Variants in CUBN observed in about 807,000 individuals in gnomAD.
CUBN encodes 460 kDa receptor.
In CUBN, 282 loss-of-function variants were observed where a neutral mutation model predicts 405.3. That is an observed-to-expected ratio of 0.70 (90% CI 0.63 to 0.77). The LOEUF is 0.77. Among genes scored for constraint, CUBN ranks in the 30% least tolerant of loss-of-function variants. CUBN has a pLI of 0.00. For synonymous variants in CUBN, 1,684 were observed against 1,617.0 expected (o/e 1.04, Z -0.99); for missense variants, 4,514 against 4,475.2 (o/e 1.01, Z -0.25).
At chr10:16,993,664 TTTTC>T (rs1833655168) in intron 28 of CUBN, among the ~76,000 whole-genome samples, 1 of 151,610 alleles carries the variant, frequency 6.6e-6, no homozygotes, top group Non-Finnish European at 1.5e-5. Flanking sequence ...TTTCTTTTTC[TTTTC>T]TTTTTTTTTT....
At chr10:16,909,993 G>A (rs1841674956) in intron 48 of CUBN, among the ~76,000 whole-genome samples, 1 of 152,202 alleles carries the variant, frequency 6.6e-6, no homozygotes, top group African/African-American at 2.4e-5. Context: ...TGCAATGAAA[G>A]TTAAAGCTGC....
chr10:16,959,871 G>A (rs1843167954), intron 31 of CUBN, among the ~76,000 whole-genome samples: 1 of 152,120 alleles, frequency 6.6e-6, no homozygotes, highest in Admixed American at 6.5e-5. Context: ...TCTTACTTAA[G>A]TCTACTGCCA....
At chr10:17,017,053 T>C (rs1003222044) in intron 28 of CUBN, among the ~76,000 whole-genome samples, 2 of 152,140 alleles carry the variant, frequency 1.3e-5, no homozygotes, top group Non-Finnish European at 2.9e-5. Flanking sequence ...TTTTCAGGGT[T>C]TGCGGGTCAA....
At chr10:16,969,477 C>T (rs989433680) in intron 31 of CUBN, among the ~76,000 whole-genome samples, 2 of 152,044 alleles carry the variant, frequency 1.3e-5, no homozygotes, top group African/African-American at 4.8e-5. Context: ...GCCTTAGCCT[C>T]CCGAGTAGCT....
At chr10:17,011,357 G>A (rs529792866) in intron 28 of CUBN, among the ~76,000 whole-genome samples, 7 of 152,230 alleles carry the variant, frequency 4.6e-5, no homozygotes, top group South Asian at 2.1e-4. Flanking sequence ...TCGTGGTCTC[G>A]CTGACTTTAG....
chr10:16,923,836 C>T (rs1249982862), intron 43 of CUBN, among the ~76,000 whole-genome samples: 5 of 152,114 alleles, frequency 3.3e-5, no homozygotes, highest in African/African-American at 1.2e-4. Flanking sequence ...CTTTGGGAAG[C>T]CAAGGCAGGT....
Position 16,851,861 on chromosome 10 carries a change from C to T in CUBN, c.9455-418G>A, listed in dbSNP as rs1839704673. ...GTCTTTCCCTCCCTCACTCTCTTTC[C>T]CTCTCTCCCTCTATCTTTCCCTCCC... On this transcript the variant is annotated intron_variant, in intron 59 of 66. Transcript: ENST00000377833. Among the ~76,000 whole-genome samples the T allele has an allele frequency of 4.2e-5, 5 of 118,486 alleles. No homozygotes were observed. The Admixed American group carries it at 4.3e-4, about 10-fold the overall frequency. The allele number at this position is 118,486 out of a possible 152,430, so 77.7% of individuals were successfully genotyped here. A position where few individuals can be genotyped will look rare whatever the true frequency, so the allele number is the denominator to read the frequency against.
In CUBN at chr10:16,824,979, C is replaced by G. The variant is rs760262966; in HGVS notation, c.10868G>C (p.Ser3623Thr). ...TGAACACGAGTTGTTACCCACTTAG[C>G]TGTCCCAAGTTAATCGGAATGCGGA... is the stretch of plus-strand genomic sequence containing the variant. ...RPSAFRLTWD[S>T] The change falls in exon 67 of 67, where the codon AGC becomes ACC. Residue 3623 changes from serine to threonine, a missense_variant. Transcript: ENST00000377833. 39 of 1,611,772 alleles carry G rather than the reference C, an allele frequency of 2.4e-5. No homozygotes were observed. Among genetic ancestry groups the G allele is most frequent in the Non-Finnish European group, 3.3e-5 (39 of 1,178,066 alleles).
At chr10:17,081,284 G>C (rs1835961094) in intron 17 of CUBN, among the ~76,000 whole-genome samples, 1 of 152,072 alleles carries the variant, frequency 6.6e-6, no homozygotes, top group Non-Finnish European at 1.5e-5. Flanking sequence ...GAAGATCTAG[G>C]ATTCTTAAAA....
intron 14 of CUBN, 69 bp downstream of exon 14, chr10:17,099,936 C>G: frequency 1.0e-6 from 1 of 957,934 alleles, no homozygotes; most frequent in Non-Finnish European, 1.7e-6. Context: ...ATCCAAAAGT[C>G]TAACACTGAT....
intron 60 of CUBN, among the ~76,000 whole-genome samples, chr10:16,848,360 A>G (rs934657679): frequency 6.6e-6 from 1 of 152,182 alleles, no homozygotes; most frequent in African/African-American, 2.4e-5. Flanking sequence ...CATAGTGCCC[A>G]TGCCTATTTG....
intron 31 of CUBN, among the ~76,000 whole-genome samples, chr10:16,956,752 T>G (rs1843075507): frequency 6.6e-6 from 1 of 152,202 alleles, no homozygotes; most frequent in Non-Finnish European, 1.5e-5. Context: ...AATTGAATCT[T>G]AAGGCACAGA....
chr10:17,001,176 G>C (rs999082137), intron 28 of CUBN, among the ~76,000 whole-genome samples: 2 of 152,200 alleles, frequency 1.3e-5, no homozygotes, highest in African/African-American at 4.8e-5. Context: ...TGAAGGTGGA[G>C]ACCTTTGGAG....
At chr10:17,059,116 CA>C (rs35107494) in intron 22 of CUBN, among the ~76,000 whole-genome samples, 57,010 of 144,864 alleles carry the variant, frequency 0.39, 13,010 homozygotes, top group East Asian at 0.63. Flanking sequence ...TGACCAACCT[CA>C]AAAAAAAAAA....
At chr10:16,872,329 A>G (rs1349033834) in intron 58 of CUBN, among the ~76,000 whole-genome samples, 4 of 144,736 alleles carry the variant, frequency 2.8e-5, no homozygotes, top group Non-Finnish European at 4.4e-5. Flanking sequence ...CTGAAAAAAT[A>G]CATTTAGATT....
Position 16,906,416 on chromosome 10 carries a change from A to G in CUBN, c.7706-7T>C. 1 of 1,598,134 alleles carries G rather than the reference A, an allele frequency of 6.3e-7. No homozygotes were observed. Among genetic ancestry groups the G allele is most frequent in the African/African-American group, 1.3e-5 (1 of 74,710 alleles). On this transcript the variant is annotated splice_polypyrimidine_tract_variant and splice_region_variant and intron_variant, in intron 49 of 66. Coordinates refer to ENST00000377833, the MANE Select transcript of CUBN (RefSeq NM_001081.4). Reference sequence around the variant, plus strand: ...GGAAGAGACCCACCACACACTAAGAAAACAGAAGGCAACAGAGAAAGTAGT... The same window carrying G: ...GGAAGAGACCCACCACACACTAAGAGAACAGAAGGCAACAGAGAAAGTAGT...
intron 59 of CUBN, among the ~76,000 whole-genome samples, chr10:16,866,326 C>A (rs969918255): frequency 6.6e-6 from 1 of 152,032 alleles, no homozygotes; most frequent in East Asian, 1.9e-4. Flanking sequence ...GGTATGAGAC[C>A]CCCTCAGGAA....
chr10:16,932,759 C>G (rs574220731), intron 40 of CUBN, among the ~76,000 whole-genome samples: 1 of 152,086 alleles, frequency 6.6e-6, no homozygotes, highest in East Asian at 1.9e-4. Flanking sequence ...CAGCCAGAAA[C>G]ATAAAATATC....
chr10:16,905,247 T>A (rs1199933926), intron 50 of CUBN, among the ~76,000 whole-genome samples: 1 of 152,204 alleles, frequency 6.6e-6, no homozygotes, highest in Non-Finnish European at 1.5e-5. Flanking sequence ...CGTGTCAGCA[T>A]AATCATGGAA....
Sources: allele counts gnomAD v4.1 joint callset (sites outside exome capture counted in the v4.1 genomes callset), GRCh38; gene constraint gnomAD v4.1.1; transcripts MANE v1.5; gene names NCBI Gene and HGNC (gene_info 2026-07-23, HGNC 2026-07-21).